GNA13: variants seen among roughly 807,000 people sequenced by gnomAD.
GNA13 encodes G protein subunit alpha 13.
A neutral mutation model predicts 33.5 loss-of-function variants in GNA13; 4 were observed. The ratio of observed to expected loss-of-function variants is 0.12; its 90% CI spans 0.06 to 0.27. The LOEUF is 0.27. GNA13 is among the 10% of genes least tolerant of loss of function. The pLI is 1.00. For missense variants in GNA13, 319 were observed against 487.2 expected (o/e 0.65, Z 3.25); for synonymous variants, 176 against 183.8 (o/e 0.96, Z 0.34).
rs141288232 is a variant in GNA13, at chr17:65,053,600, C to G, written c.412G>C (p.Glu138Gln). 3.1e-4 allele frequency: 499 copies of G among 1,613,668 alleles called. No individual in the cohort carries two copies. The highest frequency in any genetic ancestry group is 3.7e-4 in the Non-Finnish European group (431 of 1,179,572). ...AGATATTGTAAGAAAACCCTTGTTTCCACCATTCCTTGGGCTGCCATGGGG... is the reference window on the plus strand; with the variant it reads ...AGATATTGTAAGAAAACCCTTGTTTGCACCATTCCTTGGGCTGCCATGGGG... Reference protein sequence around the residue: ...RAPMAAQGMVETRVFLQYLPA... With the variant: ...RAPMAAQGMVQTRVFLQYLPA... Residue 138 changes from glutamate to glutamine, a missense_variant, in exon 2 of 4, where the codon GAA becomes CAA. Physicochemically the swap from Glu to Gln is conservative, Grantham distance 29. Coordinates refer to ENST00000439174, the MANE Select transcript of GNA13 (RefSeq NM_006572.6).
intron 2 of GNA13, 59 bp downstream of exon 2, chr17:65,053,443 C>T: frequency 9.5e-7 from 1 of 1,054,426 alleles, no homozygotes; most frequent in Non-Finnish European, 1.5e-6. Context: ...GATGTGCAAC[C>T]TGTATTACTA....
intron 2 of GNA13, among the ~76,000 whole-genome samples, chr17:65,023,387 C>T (rs777900811): frequency 5.9e-5 from 9 of 152,290 alleles, no homozygotes; most frequent in African/African-American, 2.2e-4. Flanking sequence ...TGACACAGTT[C>T]GATGTCTTAG....
intron 2 of GNA13, among the ~76,000 whole-genome samples, chr17:65,045,042 CAAAAAAA>C (rs1244382117): frequency 1.9e-5 from 1 of 53,288 alleles, no homozygotes; most frequent in East Asian, 5.6e-4. Flanking sequence ...GACTCCATCT[CAAAAAAA>C]AAAAAAAAAA....
chr17:65,024,430 T>A (rs987555758), intron 2 of GNA13, among the ~76,000 whole-genome samples: 1 of 152,218 alleles, frequency 6.6e-6, no homozygotes, highest in African/African-American at 2.4e-5. Flanking sequence ...AGAATCCAAT[T>A]TTTTTCACAT....
chr17:65,032,731 G>C (rs1907092861), intron 2 of GNA13, among the ~76,000 whole-genome samples: 1 of 152,074 alleles, frequency 6.6e-6, no homozygotes, highest in African/African-American at 2.4e-5. Context: ...GTTGTCACAC[G>C]GGACCTATTC....
intron 2 of GNA13, among the ~76,000 whole-genome samples, chr17:65,043,578 C>T (rs1043095029): frequency 6.6e-6 from 1 of 152,072 alleles, no homozygotes; most frequent in Non-Finnish European, 1.5e-5. Context: ...TGAGCCACTG[C>T]GCTTGGACTG....
intron 2 of GNA13, among the ~76,000 whole-genome samples, chr17:65,031,921 A>AGAGAGAGAGAGAGTGTGTGTGTGT (rs770161529): frequency 1.1e-5 from 1 of 91,622 alleles, no homozygotes; most frequent in African/African-American, 4.9e-5. Context: ...AGAGAGAGAG[A>AGAGAGAGAGAGAGTGTGTGTGTGT]GTGTGTGTGT....
At chr17:65,045,036 C>G (rs1237837701) in intron 2 of GNA13, among the ~76,000 whole-genome samples, 1 of 146,984 alleles carries the variant, frequency 6.8e-6, no homozygotes, top group Non-Finnish European at 1.5e-5. Flanking sequence ...AAGTGAGACT[C>G]CATCTCAAAA....
intron 1 of GNA13, among the ~76,000 whole-genome samples, chr17:65,054,230 C>G (rs1362390213): frequency 6.6e-6 from 1 of 152,188 alleles, no homozygotes; most frequent in Non-Finnish European, 1.5e-5. Context: ...GCAACACATT[C>G]AAAATTTAAA....
chr17:65,056,020 T>A (rs1219520989), intron 1 of GNA13, among the ~76,000 whole-genome samples: 5 of 151,968 alleles, frequency 3.3e-5, no homozygotes, highest in Admixed American at 1.3e-4. Flanking sequence ...CACTTCCCTC[T>A]CGCAGGGGGA....
Position 65,010,722 on chromosome 17 carries a change from C to T in GNA13, c.*3535G>A, listed in dbSNP as rs1157248308. On this transcript the variant is annotated 3_prime_UTR_variant, in exon 4 of 4. Transcript: ENST00000439174. ...AATGAAATGGTAACAGAGTGACTTT[C>T]TCTAAATTTATTAGGGAGTTTGTTA... 10 of 208,984 alleles carry T rather than the reference C, an allele frequency of 4.8e-5. 1 individual carries two copies. The Middle Eastern group carries it at 4.5e-3, about 94-fold the overall frequency. 12.9% of individuals were successfully genotyped at this position (208,984 alleles called of 1,614,324 possible).
chr17:65,047,705 C>T (rs969999895), intron 2 of GNA13, among the ~76,000 whole-genome samples: 1 of 151,612 alleles, frequency 6.6e-6, no homozygotes, highest in Admixed American at 6.6e-5. Context: ...ACTATGTTGC[C>T]CACATTGGAC....
intron 2 of GNA13, among the ~76,000 whole-genome samples, chr17:65,037,539 C>T (rs1364535387): frequency 6.6e-6 from 1 of 152,058 alleles, no homozygotes; most frequent in Non-Finnish European, 1.5e-5. Context: ...TCCTGGCTTC[C>T]ATGACGTGAC....
chr17:65,043,197 A>C (rs1315821120), intron 2 of GNA13, among the ~76,000 whole-genome samples: 1 of 152,216 alleles, frequency 6.6e-6, no homozygotes, highest in East Asian at 1.9e-4. Flanking sequence ...ACAGCATGGC[A>C]CAAAACCAAA....
chr17:65,013,433 AAGTTGCTTGCAGTTTT>A lies in GNA13; in HGVS notation c.*808_*823del, dbSNP rs1906259946. ...AGTTTATTTAGAAAGTTCTGTTACC[AAGTTGCTTGCAGTTTT>A]TAGTTGCTGCTATGGCCAGAATGTT... On this transcript the variant is annotated 3_prime_UTR_variant, in exon 4 of 4. Transcript: ENST00000439174. 3 of 211,902 alleles carry A rather than the reference AAGTTGCTTGCAGTTTT, an allele frequency of 1.4e-5. No homozygotes were observed. The East Asian group carries it at 2.1e-4, about 15-fold the overall frequency. The allele number at this position is 211,902 out of a possible 1,614,324, so 13.1% of individuals were successfully genotyped here.
chr17:65,032,095 C>G lies in GNA13; in HGVS notation c.511-13792G>C, dbSNP rs184702721. The stretch of plus-strand genomic sequence containing the variant: ...TGTAACAGTAGGCTTATAATGAAGT[C>G]TATTCAGAAGCCATTCCATCTAGCA... On this transcript the variant is annotated intron_variant, in intron 2 of 3. Transcript: ENST00000439174. Among the ~76,000 whole-genome samples the G allele has an allele frequency of 5.9e-5, 9 of 152,156 alleles. No individual in the cohort carries two copies. In the East Asian group the frequency reaches 1.2e-3, roughly 20 times the overall value.
At position 65,013,542 on chromosome 17, in the gene GNA13, C is replaced by T. The variant is rs914370447; in HGVS notation, c.*715G>A. Reference sequence around the variant, plus strand: ...AAGGCAAATTCTATTTCACTCGTTACGTTTGACCAAAACACGGTAAACAGC... The same window carrying T: ...AAGGCAAATTCTATTTCACTCGTTATGTTTGACCAAAACACGGTAAACAGC... On this transcript the variant is annotated 3_prime_UTR_variant, in exon 4 of 4. Coordinates refer to ENST00000439174, the MANE Select transcript of GNA13 (RefSeq NM_006572.6). The T allele has an allele frequency of 4.6e-5, 10 of 217,218 alleles. No homozygotes were observed. The highest frequency in any genetic ancestry group is 9.3e-5 in the Non-Finnish European group (10 of 107,774). The allele number at this position is 217,218 out of a possible 1,614,324, so 13.5% of individuals were successfully genotyped here.
chr17:65,052,797 A>C (rs895381500), intron 2 of GNA13, among the ~76,000 whole-genome samples: 2 of 152,198 alleles, frequency 1.3e-5, no homozygotes, highest in African/African-American at 4.8e-5. Context: ...GGGAGGTCAA[A>C]GTGGGCACAT....
intron 1 of GNA13, among the ~76,000 whole-genome samples, chr17:65,056,077 C>T (rs886965720): frequency 9.2e-5 from 14 of 151,938 alleles, no homozygotes; most frequent in Admixed American, 2.6e-4. Context: ...TGACGCCCAC[C>T]GGGGAGACAA....
Sources: gnomAD v4.1 joint callset for allele counts (sites outside exome capture counted in the v4.1 genomes callset) on GRCh38, gnomAD v4.1.1 for gene constraint, MANE v1.5 for transcripts, NCBI Gene and HGNC (gene_info 2026-07-23, HGNC 2026-07-21) for gene names.